ASTN2: variants seen among roughly 807,000 people sequenced by gnomAD.
ASTN2 encodes the protein astrotactin 2.
A neutral mutation model predicts 139.8 loss-of-function variants in ASTN2; 54 were observed. The observed-to-expected ratio is 0.39, with a 90% CI of 0.31 to 0.48. The LOEUF (loss-of-function observed/expected upper bound fraction) is 0.48, where lower values mean the gene tolerates loss of function less well. Ranked by LOEUF, ASTN2 falls within the 20% of genes least tolerant of loss-of-function variation. The pLI is 0.95. For synonymous variants in ASTN2, 756 were observed against 719.5 expected, an observed-to-expected ratio of 1.05 and a Z score of -0.81; for missense variants, 1,565 against 1,725.1, an observed-to-expected ratio of 0.91 and a Z score of 1.64.
intron 16 of ASTN2, among the ~76,000 whole-genome samples, chr9:116,721,344 A>G (rs890264935): frequency 2.6e-5 from 4 of 152,272 alleles, no homozygotes; most frequent in Admixed American, 2.6e-4. Context: ...AGGAAGGGTG[A>G]CTTTATACAG....
chr9:117,012,104 T>C (rs187784242), intron 6 of ASTN2, among the ~76,000 whole-genome samples: 2 of 152,292 alleles, frequency 1.3e-5, no homozygotes, highest in African/African-American at 2.4e-5. Context: ...AGTGCATTAA[T>C]GAAATCAGAG....
intron 5 of ASTN2, among the ~76,000 whole-genome samples, chr9:117,095,837 G>A (rs10983517): frequency 0.24 from 37,180 of 152,018 alleles, 4,921 homozygotes; most frequent in East Asian, 0.49. Context: ...AGAATAAGGT[G>A]GGACAGAAAG....
intron 10 of ASTN2, among the ~76,000 whole-genome samples, chr9:116,956,078 T>TTTTTCA (rs1274228759): frequency 6.9e-6 from 1 of 144,292 alleles, no homozygotes; most frequent in African/African-American, 2.5e-5. Context: ...TCAGAACTCT[T>TTTTTCA]TTTTCTTTTT....
chr9:116,917,284 C>G (rs1026783693), intron 10 of ASTN2, among the ~76,000 whole-genome samples: 4 of 152,092 alleles, frequency 2.6e-5, no homozygotes, highest in African/African-American at 9.7e-5. Context: ...TGGCACATAG[C>G]TCAGTTTGCA....
chr9:117,010,501 C>T (rs1837489320), intron 6 of ASTN2, among the ~76,000 whole-genome samples: 1 of 152,146 alleles, frequency 6.6e-6, no homozygotes, highest in South Asian at 2.1e-4. Context: ...ATAGAATCAG[C>T]AAGGTAAGAG....
At chr9:117,378,576 T>C (rs1830184899) in intron 1 of ASTN2, among the ~76,000 whole-genome samples, 1 of 152,164 alleles carries the variant, frequency 6.6e-6, no homozygotes, top group Non-Finnish European at 1.5e-5. Flanking sequence ...ACATATCCAC[T>C]GCCCCCTTCT....
intron 5 of ASTN2, among the ~76,000 whole-genome samples, chr9:117,082,149 C>G (rs536855437): frequency 1.1e-4 from 16 of 152,316 alleles, no homozygotes; most frequent in Non-Finnish European, 1.8e-4. Context: ...GAGCTCAGAT[C>G]TGGTTGGCAA....
intron 19 of ASTN2, among the ~76,000 whole-genome samples, chr9:116,512,920 A>G (rs759839851): frequency 2.0e-5 from 3 of 152,186 alleles, no homozygotes; most frequent in Non-Finnish European, 4.4e-5. Flanking sequence ...GGTATCCTGA[A>G]TACAGCACAC....
At chr9:117,012,465 C>T (rs190656963) in intron 6 of ASTN2, among the ~76,000 whole-genome samples, 50 of 152,236 alleles carry the variant, frequency 3.3e-4, no homozygotes, top group Middle Eastern at 3.4e-3. Flanking sequence ...CTCCTTCCTG[C>T]GTAAGAAATA....
intron 19 of ASTN2, among the ~76,000 whole-genome samples, chr9:116,522,760 C>T (rs1229324498): frequency 6.6e-6 from 1 of 152,064 alleles, no homozygotes; most frequent in South Asian, 2.1e-4. Context: ...TGGATTACTT[C>T]CATTGTACAG....
At chr9:116,503,059 AAGG>A (rs1282470022) in intron 19 of ASTN2, among the ~76,000 whole-genome samples, 3 of 150,456 alleles carry the variant, frequency 2.0e-5, no homozygotes, top group African/African-American at 7.3e-5. Flanking sequence ...GGAAGGAAGA[AAGG>A]AAGGAAGGAA....
At chr9:116,504,416 C>T (rs4836732) in intron 19 of ASTN2, 74,776 of 151,868 alleles carry the variant, frequency 0.49, 19,220 homozygotes, top group South Asian at 0.66. Flanking sequence ...ACAGCACCTA[C>T]TTTCTGAGGT....
At chr9:116,784,344 T>G (rs753265527) in intron 13 of ASTN2, among the ~76,000 whole-genome samples, 3 of 152,234 alleles carry the variant, frequency 2.0e-5, no homozygotes, top group Non-Finnish European at 4.4e-5. Flanking sequence ...GTAAGCTTGT[T>G]GTGGCAATTA....
At chr9:116,744,726 T>G (rs1443466540) in intron 13 of ASTN2, among the ~76,000 whole-genome samples, 1 of 152,196 alleles carries the variant, frequency 6.6e-6, no homozygotes, top group Non-Finnish European at 1.5e-5. Context: ...CAGTATTTGC[T>G]TATTATTAGT....
At chr9:117,087,027 G>A (rs1248696362) in intron 5 of ASTN2, among the ~76,000 whole-genome samples, 3 of 152,104 alleles carry the variant, frequency 2.0e-5, no homozygotes, top group Non-Finnish European at 4.4e-5. Context: ...TCCTGGGGGC[G>A]TTCTCTGCAG....
chr9:117,111,780 T>C (rs1564430901), intron 4 of ASTN2, among the ~76,000 whole-genome samples: 1 of 151,876 alleles, frequency 6.6e-6, no homozygotes, highest in Non-Finnish European at 1.5e-5. Flanking sequence ...GAAATATATA[T>C]AGACACCCTT....
chr9:116,511,939 CT>C lies in ASTN2; in HGVS notation c.3356-24440del, dbSNP rs532147989. Among the ~76,000 whole-genome samples the C allele has an allele frequency of 7.7e-3, 1,173 of 152,098 alleles. 18 individuals are homozygous for C. Among genetic ancestry groups the C allele is most frequent in the African/African-American group, 0.027 (1,125 of 41,512 alleles). ...CTAGTGGTCTATCAATTTTGTTGAT[CT>C]TTTCAAAAAACAAGCTCCTGGATTC... On this transcript the variant is annotated intron_variant, in intron 19 of 22. Coordinates refer to ENST00000313400, the MANE Select transcript of ASTN2 (RefSeq NM_001365068.1).
At chr9:117,230,738 C>T (rs1240102643) in intron 2 of ASTN2, among the ~76,000 whole-genome samples, 23 of 152,160 alleles carry the variant, frequency 1.5e-4, no homozygotes, top group Admixed American at 1.5e-3. Flanking sequence ...CCTCTTTTCT[C>T]ATTCCTCAGT....
chr9:116,589,195 G>T (rs1170101835), intron 19 of ASTN2, among the ~76,000 whole-genome samples: 1 of 152,194 alleles, frequency 6.6e-6, no homozygotes, highest in East Asian at 1.9e-4. Flanking sequence ...GAATGAAAGA[G>T]AGCTGAAAGG....
Sources: allele counts gnomAD v4.1 joint callset (sites outside exome capture counted in the v4.1 genomes callset), GRCh38; gene constraint gnomAD v4.1.1; transcripts MANE v1.5; gene names NCBI Gene and HGNC (gene_info 2026-07-23, HGNC 2026-07-21).